RNF115: variants seen among roughly 807,000 people sequenced by gnomAD.
RNF115 encodes ring finger protein 115.
Under a neutral mutation model 39.2 loss-of-function variants are expected in RNF115, and 31 were observed. The ratio of observed to expected loss-of-function variants is 0.79; its 90% CI spans 0.59 to 1.07. The LOEUF (loss-of-function observed/expected upper bound fraction) is 1.07. Among genes scored for constraint, RNF115 ranks in the 50% least tolerant of loss-of-function variants. The pLI, the probability that RNF115 is intolerant of heterozygous loss-of-function variation, is 0.00. For missense variants in RNF115, 384 were observed against 381.7 expected, an observed-to-expected ratio of 1.01 and a Z score of -0.05; for synonymous variants, 124 against 131.0, an observed-to-expected ratio of 0.95 and a Z score of 0.37.
intron 1 of RNF115, among the ~76,000 whole-genome samples, chr1:145,820,673 T>C (rs2770176): frequency 1.1e-4 from 17 of 151,994 alleles, no homozygotes; most frequent in African/African-American, 3.6e-4. Context: ...GAGGTGGAGG[T>C]TGTAGTGAAC....
intron 6 of RNF115, among the ~76,000 whole-genome samples, chr1:145,750,975 T>G (rs889482018): frequency 1.3e-5 from 2 of 152,082 alleles, no homozygotes; most frequent in African/African-American, 2.4e-5. Context: ...ACAACGGAAA[T>G]GAAAAACCAA....
chr1:145,765,068 T>C (rs1658715730), intron 4 of RNF115, among the ~76,000 whole-genome samples: 1 of 152,234 alleles, frequency 6.6e-6, no homozygotes, highest in Non-Finnish European at 1.5e-5. Flanking sequence ...CATTTTGTTC[T>C]GTACTAAGAA....
At chr1:145,783,532 T>C (rs1222799242) in intron 3 of RNF115, among the ~76,000 whole-genome samples, 1 of 152,238 alleles carries the variant, frequency 6.6e-6, no homozygotes, top group South Asian at 2.1e-4. Flanking sequence ...GTGAAATATT[T>C]TGCTATCTCT....
chr1:145,805,800 C>T (rs1649434461), intron 1 of RNF115, among the ~76,000 whole-genome samples: 2 of 151,986 alleles, frequency 1.3e-5, no homozygotes, highest in South Asian at 4.1e-4. Flanking sequence ...ATTTTACAGA[C>T]AAGGAAAATG....
In RNF115 at chr1:145,747,994, C is replaced by A; in HGVS notation, c.783+1G>T. On this transcript the variant is annotated splice_donor_variant, in intron 8 of 8. Coordinates refer to ENST00000582693, the MANE Select transcript of RNF115 (RefSeq NM_014455.4). LOFTEE classifies it high-confidence loss of function. ...AAGAAGCCATGACTTGCTGTACTCA[C>A]CAGTTCTAGCCACGGCACAATACAA... is the stretch of plus-strand genomic sequence containing the variant. 1.2e-6 allele frequency: 2 copies of A among 1,603,826 alleles called. No homozygotes were observed. The highest frequency in any genetic ancestry group is 1.7e-6 in the Non-Finnish European group (2 of 1,170,692).
rs782247516 is a variant in RNF115 at position 145,750,295 on chromosome 1, A to AT, written c.667+111dup. ...GGAAGGTATTGGGATTTTTTTTCTT[A>AT]TTTTTTTGTCTTTTTATTTTGTTCA... On this transcript the variant is annotated intron_variant, in intron 7 of 8. Transcript: ENST00000582693. 17 of 853,348 alleles carry AT rather than the reference A, an allele frequency of 2.0e-5. 1 individual carries two copies. The highest frequency in any genetic ancestry group is 2.7e-4 in the Middle Eastern group (1 of 3,736). The allele number at this position is 853,348 out of a possible 1,614,324, so 52.9% of individuals were successfully genotyped here.
In RNF115 at chr1:145,746,659, C is replaced by T; in HGVS notation, c.*207G>A. On this transcript the variant is annotated 3_prime_UTR_variant, in exon 9 of 9. Coordinates refer to ENST00000582693, the MANE Select transcript of RNF115 (RefSeq NM_014455.4). ...ACTTATAAAATTATCACTCTGAATT[C>T]AGGGATAAGAGGCATTTGGTTGTAG... 3.8e-6 allele frequency: 2 copies of T among 524,540 alleles called. No individual in the cohort carries two copies. The highest frequency in any genetic ancestry group is 6.7e-6 in the Non-Finnish European group (2 of 299,938). The allele number at this position is 524,540 out of a possible 1,614,324, so 32.5% of individuals were successfully genotyped here.
intron 1 of RNF115, among the ~76,000 whole-genome samples, chr1:145,814,990 T>A (rs1202946667): frequency 6.6e-6 from 1 of 152,270 alleles, no homozygotes. Flanking sequence ...AATATTTAAT[T>A]AGCAACTGCT....
intron 2 of RNF115, chr1:145,787,201 A>C: frequency 4.8e-6 from 2 of 418,250 alleles, no homozygotes; most frequent in Non-Finnish European, 9.3e-6. Flanking sequence ...GTTTAACCAA[A>C]TAGCCCCAAA....
intron 1 of RNF115, among the ~76,000 whole-genome samples, chr1:145,797,865 T>C (rs782082057): frequency 3.9e-5 from 6 of 152,188 alleles, no homozygotes; most frequent in African/African-American, 1.4e-4. Context: ...TGATATCTCA[T>C]TGTGGTTTTG....
At chr1:145,786,071 A>C (rs1414949176) in intron 2 of RNF115, among the ~76,000 whole-genome samples, 2 of 151,998 alleles carry the variant, frequency 1.3e-5, no homozygotes, top group African/African-American at 2.4e-5. Context: ...TGAAACCGCA[A>C]CTCTTATTTT....
chr1:145,764,720 C>A (rs1658688023), intron 4 of RNF115, among the ~76,000 whole-genome samples: 1 of 151,660 alleles, frequency 6.6e-6, no homozygotes, highest in Non-Finnish European at 1.5e-5. Context: ...GGGGGTCAGC[C>A]CCCGCCCGGC....
At chr1:145,753,514 T>A (rs1038492825) in intron 4 of RNF115, among the ~76,000 whole-genome samples, 3 of 152,172 alleles carry the variant, frequency 2.0e-5, no homozygotes, top group Non-Finnish European at 4.4e-5. Flanking sequence ...TATGTTAAGG[T>A]TGTTTCAGAT....
chr1:145,770,314 G>A (rs1439485533), intron 4 of RNF115, among the ~76,000 whole-genome samples: 2 of 152,096 alleles, frequency 1.3e-5, no homozygotes, highest in South Asian at 2.1e-4. Flanking sequence ...ATGTAATAAC[G>A]CAAGTATAGT....
intron 1 of RNF115, among the ~76,000 whole-genome samples, chr1:145,797,031 CAGA>C (rs1649015577): frequency 6.6e-6 from 1 of 152,134 alleles, no homozygotes; most frequent in Non-Finnish European, 1.5e-5. Flanking sequence ...TCAGGTCTCC[CAGA>C]TGATATCAAG....
chr1:145,789,088 C>T lies in RNF115; in HGVS notation c.103-122G>A. ...CTGAAATGTTCTATGTACTCGCTGA[C>T]TCAAGTAGTTTTTGTTTTTTTTTTT... On this transcript the variant is annotated intron_variant, in intron 1 of 8. Coordinates refer to ENST00000582693, the MANE Select transcript of RNF115 (RefSeq NM_014455.4). 4 of 633,804 alleles carry T rather than the reference C, an allele frequency of 6.3e-6. No homozygotes were observed. The South Asian group carries it at 7.9e-5, about 13-fold the overall frequency. 39.3% of individuals were successfully genotyped at this position (633,804 alleles called of 1,614,324 possible).
intron 1 of RNF115, among the ~76,000 whole-genome samples, chr1:145,793,982 T>C (rs1553719378): frequency 6.6e-6 from 1 of 152,128 alleles, no homozygotes; most frequent in African/African-American, 2.4e-5. Flanking sequence ...TGGCTGGGAT[T>C]ACAGGCATGT....
intron 1 of RNF115, among the ~76,000 whole-genome samples, chr1:145,805,771 G>A (rs1344947118): frequency 1.3e-5 from 2 of 151,952 alleles, no homozygotes; most frequent in Non-Finnish European, 2.9e-5. Flanking sequence ...TAGCTAGCAG[G>A]AATAAACACA....
At chr1:145,785,023 T>C (rs1166596148) in intron 2 of RNF115, among the ~76,000 whole-genome samples, 1 of 152,202 alleles carries the variant, frequency 6.6e-6, no homozygotes, top group Non-Finnish European at 1.5e-5. Context: ...TTAAATGTAG[T>C]AATGTAAGGG....
Sources: gnomAD v4.1 joint callset for allele counts (sites outside exome capture counted in the v4.1 genomes callset) on GRCh38, gnomAD v4.1.1 for gene constraint, MANE v1.5 for transcripts, NCBI Gene and HGNC (gene_info 2026-07-23, HGNC 2026-07-21) for gene names.